Variants in CTNNA2 observed in about 807,000 individuals in gnomAD.
CTNNA2 encodes the protein catenin alpha-2.
Under a neutral mutation model 101.0 loss-of-function variants are expected in CTNNA2, and 42 were observed. That is an observed-to-expected ratio of 0.42 (90% CI 0.32 to 0.54). The LOEUF is 0.54. Ranked by LOEUF, CTNNA2 falls within the 20% of genes least tolerant of loss-of-function variation. The probability of loss-of-function intolerance (pLI) is 0.14; values close to 1 mark genes in which losing one functional copy is unlikely to be tolerated. For synonymous variants in CTNNA2, 450 were observed against 456.4 expected (o/e 0.99, Z 0.18); for missense variants, 871 against 1,223.1 (o/e 0.71, Z 4.29).
chr2:80,109,208 C>G (rs1701064950), intron 7 of CTNNA2, among the ~76,000 whole-genome samples: 1 of 152,208 alleles, frequency 6.6e-6, no homozygotes, highest in African/African-American at 2.4e-5. Flanking sequence ...CGCCTGTAAT[C>G]CCAGCACTTT....
intron 2 of CTNNA2, among the ~76,000 whole-genome samples, chr2:79,721,456 T>C (rs1293390751): frequency 1.3e-5 from 2 of 152,200 alleles, no homozygotes; most frequent in Non-Finnish European, 2.9e-5. Flanking sequence ...CTAATCCTAA[T>C]TACCTCCCAT....
At chr2:79,761,138 T>A (rs1023953128) in intron 3 of CTNNA2, among the ~76,000 whole-genome samples, 2 of 152,230 alleles carry the variant, frequency 1.3e-5, no homozygotes, top group Non-Finnish European at 2.9e-5. Context: ...GACATGATTT[T>A]TCCTTTATGA....
At chr2:80,006,857 C>T (rs1284913001) in intron 7 of CTNNA2, among the ~76,000 whole-genome samples, 1 of 152,130 alleles carries the variant, frequency 6.6e-6, no homozygotes, top group Non-Finnish European at 1.5e-5. Context: ...ATTGGAATCC[C>T]CATGCCAACC....
intron 7 of CTNNA2, among the ~76,000 whole-genome samples, chr2:80,079,585 G>A (rs999974619): frequency 5.3e-5 from 8 of 151,992 alleles, no homozygotes; most frequent in East Asian, 1.9e-4. Flanking sequence ...AGGCTGAGGC[G>A]GGCAGATCAC....
At chr2:79,885,821 C>T (rs1350318900) in intron 6 of CTNNA2, among the ~76,000 whole-genome samples, 1 of 152,130 alleles carries the variant, frequency 6.6e-6, no homozygotes, top group Non-Finnish European at 1.5e-5. Flanking sequence ...ATAGAAGTAA[C>T]CAAGAACACT....
At chr2:79,744,206 A>G (rs1464747149) in intron 2 of CTNNA2, among the ~76,000 whole-genome samples, 181 bp from the exon 3 acceptor site, 1 of 152,202 alleles carries the variant, frequency 6.6e-6, no homozygotes, top group Admixed American at 6.5e-5. Flanking sequence ...TTGTATGATA[A>G]TCCACATAAT....
chr2:79,646,038 G>A (rs2104446359), intron 1 of CTNNA2, among the ~76,000 whole-genome samples: 1 of 152,290 alleles, frequency 6.6e-6, no homozygotes, highest in South Asian at 2.1e-4. Flanking sequence ...GAGTTCCATG[G>A]AGAGAAAACA....
At chr2:80,548,172 T>C (rs1692257872) in intron 11 of CTNNA2, among the ~76,000 whole-genome samples, 1 of 152,088 alleles carries the variant, frequency 6.6e-6, no homozygotes, top group Non-Finnish European at 1.5e-5. Flanking sequence ...TTATAGTATA[T>C]GGTCAGTTTT....
intron 2 of CTNNA2, among the ~76,000 whole-genome samples, chr2:79,249,975 G>T (rs569529749): frequency 1.2e-4 from 19 of 152,146 alleles, no homozygotes; most frequent in Admixed American, 9.2e-4. Flanking sequence ...CTGAGTTTTT[G>T]TATCAGCTAC....
At chr2:80,529,737 T>C (rs1272194124) in intron 9 of CTNNA2, among the ~76,000 whole-genome samples, 3 of 152,158 alleles carry the variant, frequency 2.0e-5, no homozygotes, top group Admixed American at 2.0e-4. Context: ...CATTGCTTGC[T>C]TCTCTCTGGT....
chr2:79,240,528 T>C (rs1161760293), intron 2 of CTNNA2, among the ~76,000 whole-genome samples: 1 of 152,186 alleles, frequency 6.6e-6, no homozygotes, highest in African/African-American at 2.4e-5. Context: ...TCCATCCATG[T>C]TGCTGTAAAG....
intron 9 of CTNNA2, among the ~76,000 whole-genome samples, chr2:80,530,304 G>A (rs1270895635): frequency 6.6e-6 from 1 of 152,162 alleles, no homozygotes; most frequent in East Asian, 1.9e-4. Context: ...GCTGAGCAAG[G>A]AGCTGTTGCA....
chr2:80,340,882 G>A (rs1035748195), intron 7 of CTNNA2, among the ~76,000 whole-genome samples: 3 of 152,110 alleles, frequency 2.0e-5, no homozygotes, highest in African/African-American at 7.2e-5. Context: ...ACTTCTGACC[G>A]ACTGTCTATA....
At chr2:79,188,941 A>G in intron 1 of CTNNA2, among the ~76,000 whole-genome samples, 1 of 152,228 alleles carries the variant, frequency 6.6e-6, no homozygotes, top group Admixed American at 6.5e-5. Context: ...GCAGAGATGA[A>G]CTATAAGCTC....
chr2:79,841,505 G>GAA (rs1250375834), intron 3 of CTNNA2, among the ~76,000 whole-genome samples: 82 of 152,290 alleles, frequency 5.4e-4, no homozygotes, highest in African/African-American at 1.8e-3. Context: ...AATTTAAAAT[G>GAA]ATTAATGAAA....
intron 4 of CTNNA2, among the ~76,000 whole-genome samples, chr2:79,504,614 G>A (rs1312389039): frequency 2.0e-5 from 3 of 152,108 alleles, no homozygotes; most frequent in Admixed American, 2.0e-4. Flanking sequence ...TAATGACGGA[G>A]TATCTGGATG....
chr2:79,674,196 C>G (rs1002131442), intron 2 of CTNNA2, among the ~76,000 whole-genome samples: 2 of 152,122 alleles, frequency 1.3e-5, no homozygotes, highest in Non-Finnish European at 2.9e-5. Flanking sequence ...AATATGAGCC[C>G]TAGACTTCCA....
intron 3 of CTNNA2, among the ~76,000 whole-genome samples, chr2:79,361,533 T>C (rs1677629218): frequency 1.3e-5 from 2 of 152,202 alleles, no homozygotes; most frequent in Admixed American, 6.5e-5. Flanking sequence ...AGGAGAGAAG[T>C]TAGCTGGTGT....
chr2:80,293,487 T>G (rs1675449291), intron 7 of CTNNA2, among the ~76,000 whole-genome samples: 1 of 152,258 alleles, frequency 6.6e-6, no homozygotes, highest in Non-Finnish European at 1.5e-5. Flanking sequence ...ATCCTGGCTT[T>G]ACTTTAAGCC....
Sources: allele counts gnomAD v4.1 joint callset (sites outside exome capture counted in the v4.1 genomes callset), GRCh38; gene constraint gnomAD v4.1.1; transcripts MANE v1.5; gene names NCBI Gene and HGNC (gene_info 2026-07-23, HGNC 2026-07-21).